PIK3C2G: variants seen among roughly 807,000 people sequenced by gnomAD.
The protein encoded by PIK3C2G is phosphatidylinositol-4-phosphate 3-kinase catalytic subunit type 2 gamma, also known as phosphatidylinositol 3-kinase C2 domain-containing subunit gamma.
PIK3C2G carries 168 observed loss-of-function variants against 181.1 expected under a neutral mutation model. The ratio of observed to expected loss-of-function variants is 0.93; its 90% CI spans 0.82 to 1.05. The LOEUF (loss-of-function observed/expected upper bound fraction) is 1.05, where lower values mean the gene tolerates loss of function less well. PIK3C2G is among the 50% of genes least tolerant of loss of function. PIK3C2G has a pLI of 0.00. For missense variants in PIK3C2G, 1,869 were observed against 1,732.8 expected (o/e 1.08, Z -1.40); for synonymous variants, 573 against 592.2 (o/e 0.97, Z 0.47).
intron 18 of PIK3C2G, among the ~76,000 whole-genome samples, chr12:18,479,517 G>A (rs1251315167): frequency 6.6e-6 from 1 of 152,156 alleles, no homozygotes; most frequent in Admixed American, 6.5e-5. Flanking sequence ...ATGACCTGGA[G>A]CTGAGGTAAG....
At chr12:18,725,950 C>T in the PIK3C2G span, among the ~76,000 whole-genome samples, 1 of 152,050 alleles carries the variant, frequency 6.6e-6, no homozygotes, top group African/African-American at 2.4e-5. Context: ...ACTTTCTTCT[C>T]TTACAGGCCT....
intron 1 of PIK3C2G, among the ~76,000 whole-genome samples, chr12:18,265,716 C>A (rs1948455994): frequency 6.6e-6 from 1 of 151,726 alleles, no homozygotes; most frequent in African/African-American, 2.4e-5. Context: ...GTTTCTGTTA[C>A]AAAAACTATG....
chr12:18,338,655 GTGTGTATC>G, intron 9 of PIK3C2G, 107 bp downstream of exon 9: 5 of 706,018 alleles, frequency 7.1e-6, no homozygotes, highest in South Asian at 6.7e-5. Flanking sequence ...GTGTATGTTT[GTGTGTATC>G]TGTGTGTGTG....
intron 30 of PIK3C2G, 25 bp downstream of exon 30, chr12:18,594,594 C>T (rs11044211): frequency 0.26 from 316,079 of 1,204,678 alleles, 44,054 homozygotes; most frequent in African/African-American, 0.55. Context: ...CATTATATTA[C>T]GTACAGTGAT....
chr12:18,345,806 C>CATGTTTTA lies in PIK3C2G; in HGVS notation c.1430-833_1430-826dup, dbSNP rs546753585. Among the ~76,000 whole-genome samples the CATGTTTTA allele has an allele frequency of 3.3e-3, 502 of 152,160 alleles. 3 individuals carry two copies. The highest frequency in any genetic ancestry group is 0.011 in the African/African-American group (474 of 41,522). On this transcript the variant is annotated intron_variant, in intron 10 of 32. Coordinates refer to ENST00000538779, the MANE Select transcript of PIK3C2G (RefSeq NM_001288772.2). Reference sequence around the variant, plus strand: ...GACTGAACTACTATATAGGGAATTGCATGTTTTAAAAGCAACTTATAAAGA... The same window carrying CATGTTTTA: ...GACTGAACTACTATATAGGGAATTGCATGTTTTAATGTTTTAAAAGCAACTTATAAAGA...
intron 1 of PIK3C2G, among the ~76,000 whole-genome samples, chr12:18,253,488 C>T (rs10840999): frequency 0.077 from 11,708 of 152,034 alleles, 1,043 homozygotes; most frequent in East Asian, 0.47. Context: ...TATATATATG[C>T]ACAGATATTA....
chr12:18,308,150 G>T (rs1048011152), intron 5 of PIK3C2G, among the ~76,000 whole-genome samples: 1 of 151,814 alleles, frequency 6.6e-6, no homozygotes, highest in South Asian at 2.1e-4. Context: ...TCAAAATTGT[G>T]GTCTTGCCAC....
intron 21 of PIK3C2G, 50 bp downstream of exon 21, chr12:18,496,204 G>A (rs758343286): frequency 3.1e-5 from 32 of 1,032,030 alleles, no homozygotes; most frequent in African/African-American, 1.5e-4. Flanking sequence ...CAGAACTATC[G>A]ATTTATTACT....
intron 5 of PIK3C2G, among the ~76,000 whole-genome samples, chr12:18,305,134 G>C (rs998310673): frequency 3.3e-5 from 5 of 152,074 alleles, no homozygotes; most frequent in African/African-American, 1.2e-4. Context: ...AATAGCTAAT[G>C]ACCACAAAAA....
At chr12:18,617,822 G>T (rs909723459) in intron 31 of PIK3C2G, among the ~76,000 whole-genome samples, 4 of 152,090 alleles carry the variant, frequency 2.6e-5, no homozygotes, top group African/African-American at 9.7e-5. Flanking sequence ...CTAGCTAAAT[G>T]AAAGAGGATA....
upstream of PIK3C2G, among the ~76,000 whole-genome samples, chr12:18,244,155 A>T (rs1452110985): frequency 1.3e-5 from 2 of 152,020 alleles, no homozygotes; most frequent in African/African-American, 2.4e-5. Flanking sequence ...AAATAATTTT[A>T]TTCACTAAAG....
the PIK3C2G span, among the ~76,000 whole-genome samples, chr12:18,706,724 T>C: frequency 2.0e-5 from 3 of 152,218 alleles, no homozygotes; most frequent in African/African-American, 7.2e-5. Context: ...TCACAAGTCT[T>C]ACTGCATTTT....
intron 24 of PIK3C2G, among the ~76,000 whole-genome samples, chr12:18,506,856 A>G (rs147900166): frequency 1.3e-5 from 2 of 152,294 alleles, no homozygotes; most frequent in Admixed American, 1.3e-4. Flanking sequence ...AATATTTCTT[A>G]CAAGATAATG....
rs553015066 is a variant in PIK3C2G, at chr12:18,488,471, G to T, written c.2527G>T (p.Glu843Ter). The T allele has an allele frequency of 6.5e-7, 1 of 1,528,094 alleles. No individual in the cohort carries two copies. The highest frequency in any genetic ancestry group is 2.4e-5 in the East Asian group (1 of 41,210). 94.7% of individuals were successfully genotyped at this position (1,528,094 alleles called of 1,614,324 possible). Residue 843 changes from glutamate (E) to a stop codon, truncating the protein, a stop_gained, in exon 19 of 33, where the codon GAA (glutamate) becomes TAA (stop). Coordinates refer to ENST00000538779, the MANE Select transcript of PIK3C2G (RefSeq NM_001288772.2). LOFTEE classifies it high-confidence loss of function. The part of the protein sequence containing the change: ...LYWLLKNAEN[E>*]AYFKSWYQKL... Reference sequence around the variant, plus strand: ...CAGGCTGCTAAAAAATGCAGAAAATGAAGCTTATTTTAAAAGCTGGTATCA... The same window carrying T: ...CAGGCTGCTAAAAAATGCAGAAAATTAAGCTTATTTTAAAAGCTGGTATCA...
At position 18,388,494 on chromosome 12, in the gene PIK3C2G, T is replaced by G. The variant is rs573643381; in HGVS notation, c.1996-2628T>G. 3.9e-4 allele frequency among the ~76,000 whole-genome samples: 59 copies of G among 152,236 alleles called. No homozygotes were observed. In the South Asian group the frequency reaches 8.3e-3, roughly 21 times the overall value. On this transcript the variant is annotated intron_variant, in intron 14 of 32. Coordinates refer to ENST00000538779, the MANE Select transcript of PIK3C2G (RefSeq NM_001288772.2). ...TTCACCATGTTGGCCAGGCTGGTCT[T>G]GAACTCCTAACCTCAAGTGATCTGT...
intron 8 of PIK3C2G, among the ~76,000 whole-genome samples, chr12:18,335,133 C>A (rs568408766): frequency 1.3e-5 from 2 of 152,144 alleles, no homozygotes; most frequent in East Asian, 3.9e-4. Flanking sequence ...GATCAGTAGG[C>A]ATAGTTTTTC....
intron 31 of PIK3C2G, among the ~76,000 whole-genome samples, chr12:18,629,975 A>G (rs1949278396): frequency 6.6e-6 from 1 of 152,224 alleles, no homozygotes; most frequent in Admixed American, 6.5e-5. Context: ...AAAGAGCTAA[A>G]TATTATTAAT....
At chr12:18,650,880 T>C (rs1395647679), downstream of PIK3C2G, among the ~76,000 whole-genome samples, 1 of 151,240 alleles carries the variant, frequency 6.6e-6, no homozygotes, top group Non-Finnish European at 1.5e-5. Flanking sequence ...ACTGCTATCA[T>C]CCTTGGCCTG....
chr12:18,426,370 T>G (rs1945817147), intron 18 of PIK3C2G, among the ~76,000 whole-genome samples: 1 of 152,150 alleles, frequency 6.6e-6, no homozygotes, highest in South Asian at 2.1e-4. Context: ...ATCCTTCTAA[T>G]GTTAAAAACT....
Sources: allele counts gnomAD v4.1 joint callset (sites outside exome capture counted in the v4.1 genomes callset), GRCh38; gene constraint gnomAD v4.1.1; transcripts MANE v1.5; gene names NCBI Gene and HGNC (gene_info 2026-07-23, HGNC 2026-07-21).